Variants in DPF3 observed in about 807,000 individuals in gnomAD.
The protein encoded by DPF3 is zinc finger protein DPF3.
In DPF3, 18 loss-of-function variants were observed where a neutral mutation model predicts 56.8. The observed-to-expected ratio is 0.32, with a 90% confidence interval of 0.22 to 0.47. DPF3 has a LOEUF of 0.47. Ranked by LOEUF, DPF3 falls within the 20% of genes least tolerant of loss-of-function variation. The pLI is 1.00. For synonymous variants in DPF3, 188 were observed against 180.2 expected (o/e 1.04, Z -0.35); for missense variants, 403 against 488.8 (o/e 0.82, Z 1.65).
At chr14:72,745,959 G>A (rs1408548593) in intron 3 of DPF3, among the ~76,000 whole-genome samples, 1 of 152,232 alleles carries the variant, frequency 6.6e-6, no homozygotes, top group East Asian at 1.9e-4. Context: ...TATGAATGAT[G>A]AGGGCAGAGC....
chr14:72,760,100 G>A (rs1323890056), intron 2 of DPF3, among the ~76,000 whole-genome samples: 1 of 152,178 alleles, frequency 6.6e-6, no homozygotes, highest in Non-Finnish European at 1.5e-5. Context: ...ATCAGAAATG[G>A]TCTAGTACAT....
At chr14:72,868,034 CAGA>C (rs1318780546) in intron 1 of DPF3, among the ~76,000 whole-genome samples, 6 of 152,166 alleles carry the variant, frequency 3.9e-5, no homozygotes, top group African/African-American at 1.4e-4. Flanking sequence ...CACACCCAGC[CAGA>C]AGAAGTGAGA....
At chr14:72,619,597 C>G (rs749887433) in intron 10 of DPF3, among the ~76,000 whole-genome samples, 1 of 152,306 alleles carries the variant, frequency 6.6e-6, no homozygotes, top group Admixed American at 6.5e-5. Flanking sequence ...TGCCTCCAAA[C>G]TAGTGTCGCC....
At chr14:72,664,667 C>A (rs1425404355) in intron 8 of DPF3, among the ~76,000 whole-genome samples, 1 of 151,888 alleles carries the variant, frequency 6.6e-6, no homozygotes, top group East Asian at 1.9e-4. Flanking sequence ...GATGCTGTGT[C>A]CAGAGACTTC....
rs142850503 is a variant in DPF3 at position 72,791,065 on chromosome 14, G to A, written c.33-19172C>T. On this transcript the variant is annotated intron_variant, in intron 1 of 10. Transcript: ENST00000556509. ...GAGTGTCTGCATCTGCCCACTGAAG[G>A]TCACAGCTCCTGTGGGCCAGCCCTC... Among the ~76,000 whole-genome samples the A allele has an allele frequency of 2.5e-3, 373 of 152,208 alleles. 4 individuals carry two copies. The highest frequency in any genetic ancestry group is 0.024 in the East Asian group (124 of 5,164).
chr14:72,857,081 G>C (rs1038974890), intron 1 of DPF3, among the ~76,000 whole-genome samples: 15 of 152,222 alleles, frequency 9.9e-5, no homozygotes, highest in Non-Finnish European at 1.8e-4. Flanking sequence ...GCAGACTAAA[G>C]GGGCGACCAG....
chr14:72,816,760 G>A (rs369662682), intron 1 of DPF3, among the ~76,000 whole-genome samples: 3 of 152,136 alleles, frequency 2.0e-5, no homozygotes, highest in African/African-American at 2.4e-5. Context: ...CTCCAAAAGT[G>A]AATAATTGTC....
intron 1 of DPF3, among the ~76,000 whole-genome samples, chr14:72,881,160 A>G (rs1021580717): frequency 6.6e-6 from 1 of 152,272 alleles, no homozygotes; most frequent in African/African-American, 2.4e-5. Context: ...GGCTGGGGTG[A>G]GCAGGATGAT....
Position 72,880,702 on chromosome 14 carries a change from G to A in DPF3, c.32+13355C>T, listed in dbSNP as rs761637361. Among the ~76,000 whole-genome samples, 58 of 152,214 alleles carry A rather than the reference G, an allele frequency of 3.8e-4. No homozygotes were observed. In the Middle Eastern group the frequency reaches 0.01, roughly 27 times the overall value. ...CTCCCAAATAACTGTGACTAAAGGC[G>A]CGTGCCACCACACCCAACTAGTTTT... On this transcript the variant is annotated intron_variant, in intron 1 of 10. Transcript: ENST00000556509.
At chr14:72,675,668 C>T (rs886323326) in intron 7 of DPF3, 6 of 152,184 alleles carry the variant, frequency 3.9e-5, no homozygotes, top group South Asian at 2.1e-4. Flanking sequence ...CTGGGGAAGG[C>T]GGAAGACAAA....
At chr14:72,626,434 T>A (rs1336059362) in intron 9 of DPF3, among the ~76,000 whole-genome samples, 1 of 152,186 alleles carries the variant, frequency 6.6e-6, no homozygotes, top group African/African-American at 2.4e-5. Flanking sequence ...GTCAGCATAC[T>A]ATAGATATTC....
chr14:72,723,620 A>T lies in DPF3; in HGVS notation c.525+13T>A. The T allele has an allele frequency of 6.4e-7, 1 of 1,558,300 alleles. No individual in the cohort carries two copies. Among genetic ancestry groups the T allele is most frequent in the Non-Finnish European group, 8.6e-7 (1 of 1,160,838 alleles). ...CCTCATCTCTTTCCTCGCTCATGTC[A>T]TCCCCAACTTACCCGTCCTCTAGTC... is the stretch of plus-strand genomic sequence containing the variant. On this transcript the variant is annotated intron_variant, in intron 5 of 10. Transcript: ENST00000556509.
At chr14:72,673,948 C>CTA (rs1886800250) in intron 8 of DPF3, 1 of 341,626 alleles carries the variant, frequency 2.9e-6, no homozygotes. Context: ...TTTTTCCACT[C>CTA]TACCTCGCTG....
intron 8 of DPF3, chr14:72,669,833 G>T (rs1567194926): frequency 1.7e-5 from 16 of 929,826 alleles, no homozygotes; most frequent in Middle Eastern, 5.5e-4. Flanking sequence ...ACTAAGAAGG[G>T]AGTCCAAACC....
intron 1 of DPF3, among the ~76,000 whole-genome samples, chr14:72,873,358 C>A (rs911114290): frequency 6.6e-6 from 1 of 152,180 alleles, no homozygotes; most frequent in Non-Finnish European, 1.5e-5. Context: ...AAATGCAAAT[C>A]AAAACCACAA....
chr14:72,712,122 G>A (rs917460992), intron 6 of DPF3, among the ~76,000 whole-genome samples: 20 of 151,914 alleles, frequency 1.3e-4, no homozygotes, highest in Non-Finnish European at 2.6e-4. Context: ...GCACGCATGC[G>A]GACAGAGCCA....
At chr14:72,825,006 A>G (rs956970149) in intron 1 of DPF3, among the ~76,000 whole-genome samples, 3 of 150,416 alleles carry the variant, frequency 2.0e-5, no homozygotes, top group Admixed American at 1.3e-4. Flanking sequence ...TCTTGCCTCA[A>G]CCTCCCAAGT....
rs559706581 is a variant in DPF3 at position 72,757,577 on chromosome 14, G to A, written c.194-4206C>T. On this transcript the variant is annotated intron_variant, in intron 2 of 10. Coordinates refer to ENST00000556509, the MANE Select transcript of DPF3 (RefSeq NM_001280542.3). ...TTAGTGACTACCCCTGCTCAGAACCGGGTAACAGGATCAAAGTTTCCAAAT... is the reference window on the plus strand; with the variant it reads ...TTAGTGACTACCCCTGCTCAGAACCAGGTAACAGGATCAAAGTTTCCAAAT... Among the ~76,000 whole-genome samples the A allele has an allele frequency of 6.6e-5, 10 of 151,936 alleles. No individual in the cohort carries two copies. In the South Asian group the frequency reaches 1.9e-3, roughly 28 times the overall value.
At chr14:72,735,094 C>T (rs1434905537) in intron 3 of DPF3, among the ~76,000 whole-genome samples, 1 of 152,042 alleles carries the variant, frequency 6.6e-6, no homozygotes, top group Non-Finnish European at 1.5e-5. Flanking sequence ...ACCCAGTCAC[C>T]TAATTAGGCT....
Sources: allele counts gnomAD v4.1 joint callset (sites outside exome capture counted in the v4.1 genomes callset), GRCh38; gene constraint gnomAD v4.1.1; transcripts MANE v1.5; gene names NCBI Gene and HGNC (gene_info 2026-07-23, HGNC 2026-07-21).